Variants in DCLK2 observed in about 807,000 individuals in gnomAD.
The protein encoded by DCLK2 is serine/threonine-protein kinase DCLK2.
Under a neutral mutation model 78.4 loss-of-function variants are expected in DCLK2, and 31 were observed. The ratio of observed to expected loss-of-function variants is 0.40; its 90% CI spans 0.30 to 0.53. The LOEUF (loss-of-function observed/expected upper bound fraction) is 0.53, where lower values mean the gene tolerates loss of function less well. Ranked by LOEUF, DCLK2 falls within the 20% of genes least tolerant of loss-of-function variation. DCLK2 has a pLI of 0.61. For synonymous variants in DCLK2, 407 were observed against 374.9 expected, an observed-to-expected ratio of 1.09 and a Z score of -0.99; for missense variants, 872 against 973.7, an observed-to-expected ratio of 0.90 and a Z score of 1.39.
rs1029242054 is a variant in DCLK2 at position 150,232,281 on chromosome 4, C to T, written c.1300-56C>T. ...TTTGTTTTGCTGTCCTCCAGGCCTTCGAGAGCAGAGGGTTCTGTGATTTCT... is the reference window on the plus strand; with the variant it reads ...TTTGTTTTGCTGTCCTCCAGGCCTTTGAGAGCAGAGGGTTCTGTGATTTCT... On this transcript the variant is annotated intron_variant, in intron 8 of 15. Coordinates refer to ENST00000296550, the MANE Select transcript of DCLK2 (RefSeq NM_001040260.4). 35 of 1,584,168 alleles carry T rather than the reference C, an allele frequency of 2.2e-5. No individual in the cohort carries two copies. In the Admixed American group the frequency reaches 2.5e-4, roughly 11 times the overall value.
chr4:150,117,165 G>A lies in DCLK2; in HGVS notation c.756+14353G>A, dbSNP rs1216079962. 3.3e-5 allele frequency among the ~76,000 whole-genome samples: 5 copies of A among 152,120 alleles called. No homozygotes were observed. The South Asian group carries it at 1.0e-3, about 31-fold the overall frequency. On this transcript the variant is annotated intron_variant, in intron 2 of 15. Transcript: ENST00000296550. ...CAGGGGTCAGTTCTCTGGCTACTGGGGTAATGGTCCAGGGAGGAGTGCAGC... is the reference window on the plus strand; with the variant it reads ...CAGGGGTCAGTTCTCTGGCTACTGGAGTAATGGTCCAGGGAGGAGTGCAGC...
At chr4:150,080,269 T>G (rs1729157395) in intron 1 of DCLK2, among the ~76,000 whole-genome samples, 1 of 152,236 alleles carries the variant, frequency 6.6e-6, no homozygotes, top group Non-Finnish European at 1.5e-5. Context: ...GCCATTGGAT[T>G]CAGCAGTGGG....
chr4:150,154,391 A>G (rs1735111861), intron 2 of DCLK2, among the ~76,000 whole-genome samples: 1 of 152,204 alleles, frequency 6.6e-6, no homozygotes, highest in South Asian at 2.1e-4. Context: ...AAGATAAACC[A>G]GATTGGAACC....
intron 4 of DCLK2, among the ~76,000 whole-genome samples, chr4:150,203,213 A>G (rs949188749): frequency 6.6e-6 from 1 of 152,240 alleles, no homozygotes; most frequent in Non-Finnish European, 1.5e-5. Context: ...AGTAGTCTAG[A>G]TAAAAAAGGT....
chr4:150,193,835 CTG>C (rs1738658538), intron 3 of DCLK2, among the ~76,000 whole-genome samples: 1 of 152,016 alleles, frequency 6.6e-6, no homozygotes, highest in Admixed American at 6.6e-5. Context: ...GCAGCCTTGA[CTG>C]TGCTGCTGGA....
At chr4:150,130,247 T>C (rs1733207098) in intron 2 of DCLK2, among the ~76,000 whole-genome samples, 1 of 152,028 alleles carries the variant, frequency 6.6e-6, no homozygotes, top group South Asian at 2.1e-4. Context: ...GGCATCAAAC[T>C]CTATTTGATG....
At chr4:150,146,989 A>G (rs898744891) in intron 2 of DCLK2, among the ~76,000 whole-genome samples, 2 of 151,966 alleles carry the variant, frequency 1.3e-5, no homozygotes, top group African/African-American at 2.4e-5. Flanking sequence ...GGGTCAATTG[A>G]AATACTGTAT....
chr4:150,215,171 A>G (rs1237528697), intron 5 of DCLK2, among the ~76,000 whole-genome samples: 1 of 152,154 alleles, frequency 6.6e-6, no homozygotes, highest in Non-Finnish European at 1.5e-5. Flanking sequence ...CTGCTCTGAC[A>G]CCAAAAAAAA....
chr4:150,129,026 T>G (rs1456504019), intron 2 of DCLK2, among the ~76,000 whole-genome samples: 1 of 152,170 alleles, frequency 6.6e-6, no homozygotes. Flanking sequence ...CTACTGAGCT[T>G]GTGAACATTT....
chr4:150,254,316 C>CA (rs1744410927), intron 15 of DCLK2: 1 of 398,414 alleles, frequency 2.5e-6, no homozygotes. Flanking sequence ...TTAAGATAGA[C>CA]AAAACTGTTT....
At chr4:150,176,493 C>G (rs935665754) in intron 2 of DCLK2, among the ~76,000 whole-genome samples, 1 of 152,208 alleles carries the variant, frequency 6.6e-6, no homozygotes, top group Non-Finnish European at 1.5e-5. Context: ...CCTTGCCACA[C>G]CATGAGAATC....
chr4:150,182,662 G>A (rs1023914006), intron 2 of DCLK2, among the ~76,000 whole-genome samples: 3 of 152,048 alleles, frequency 2.0e-5, no homozygotes, highest in African/African-American at 7.2e-5. Context: ...GTAGAATATT[G>A]TTTGGGGGGT....
At chr4:150,215,935 C>T (rs547210711) in intron 5 of DCLK2, among the ~76,000 whole-genome samples, 1 of 152,282 alleles carries the variant, frequency 6.6e-6, no homozygotes, top group Admixed American at 6.5e-5. Context: ...TTTTCTGAGG[C>T]CTAAAGCATC....
Position 150,116,676 on chromosome 4 carries a change from T to C in DCLK2, c.756+13864T>C, listed in dbSNP as rs577585288. On this transcript the variant is annotated intron_variant, in intron 2 of 15. Transcript: ENST00000296550. ...GGTGGCAGGGGAGTGACATAGACTC[T>C]AAGATTCCTTGGTTATAAATAGCCT... 3.9e-5 allele frequency among the ~76,000 whole-genome samples: 6 copies of C among 152,332 alleles called. No individual in the cohort carries two copies. The South Asian group carries it at 1.0e-3, about 26-fold the overall frequency.
chr4:150,142,844 G>A (rs548593887), intron 2 of DCLK2, among the ~76,000 whole-genome samples: 5 of 150,426 alleles, frequency 3.3e-5, no homozygotes, highest in African/African-American at 1.2e-4. Context: ...GGAGGAACAT[G>A]CACATGTTTG....
intron 15 of DCLK2, among the ~76,000 whole-genome samples, chr4:150,250,639 A>G (rs1743711743): frequency 6.6e-6 from 1 of 151,564 alleles, no homozygotes; most frequent in Admixed American, 6.6e-5. Flanking sequence ...CCGTGACCCC[A>G]CTGAGTCCTG....
chr4:150,217,020 G>A (rs1036078475), intron 5 of DCLK2, among the ~76,000 whole-genome samples: 2 of 152,150 alleles, frequency 1.3e-5, no homozygotes, highest in Non-Finnish European at 2.9e-5. Flanking sequence ...CATCATAGTT[G>A]CTGATGGAAG....
chr4:150,106,648 C>T (rs556308387), intron 2 of DCLK2, among the ~76,000 whole-genome samples: 1 of 152,330 alleles, frequency 6.6e-6, no homozygotes, highest in South Asian at 2.1e-4. Context: ...TCACCATGAA[C>T]AGTCACTGAC....
chr4:150,107,821 GTTAGC>G (rs1025343615), intron 2 of DCLK2, among the ~76,000 whole-genome samples: 14 of 152,170 alleles, frequency 9.2e-5, no homozygotes, highest in African/African-American at 3.1e-4. Flanking sequence ...GAAGTGTAAG[GTTAGC>G]TGGGCATGGT....
Sources: gnomAD v4.1 joint callset for allele counts (sites outside exome capture counted in the v4.1 genomes callset) on GRCh38, gnomAD v4.1.1 for gene constraint, MANE v1.5 for transcripts, NCBI Gene and HGNC (gene_info 2026-07-23, HGNC 2026-07-21) for gene names.